Variants in BRD10 observed in about 807,000 individuals in gnomAD.
The protein encoded by BRD10 is uncharacterized bromodomain-containing protein 10.
chr9:5,886,072 C>T, the BRD10 span, among the ~76,000 whole-genome samples: 1 of 152,202 alleles, frequency 6.6e-6, no homozygotes, highest in African/African-American at 2.4e-5. Context: ...GAAGCCCGAG[C>T]AGCCGGCTAT....
At chr9:5,929,278 A>G in the BRD10 span, 1 of 537,838 alleles carries the variant, frequency 1.9e-6, no homozygotes, top group South Asian at 3.1e-5. Context: ...TCTTCTTCAG[A>G]AGCTTGCAGA....
the BRD10 span, among the ~76,000 whole-genome samples, chr9:5,915,002 A>T: frequency 3.3e-5 from 5 of 152,292 alleles, no homozygotes; most frequent in East Asian, 7.7e-4. Context: ...CAAAAGAACA[A>T]AACAACAATA....
the BRD10 span, chr9:5,921,407 G>C: frequency 6.2e-7 from 1 of 1,613,980 alleles, no homozygotes; most frequent in Non-Finnish European, 8.5e-7. Context: ...AGGAGGAAGA[G>C]TTTGTTTTAA....
the BRD10 span, among the ~76,000 whole-genome samples, chr9:5,938,795 T>C: frequency 1.3e-5 from 2 of 152,204 alleles, no homozygotes; most frequent in Admixed American, 1.3e-4. Context: ...ATTAACGAGT[T>C]TACCAGAAGA....
At chr9:5,884,021 G>A in the BRD10 span, among the ~76,000 whole-genome samples, 4 of 152,104 alleles carry the variant, frequency 2.6e-5, no homozygotes, top group South Asian at 2.1e-4. Flanking sequence ...AAAAACACAC[G>A]GCCAGTCAAT....
chr9:5,915,719 T>C, the BRD10 span, among the ~76,000 whole-genome samples: 3 of 152,334 alleles, frequency 2.0e-5, no homozygotes, highest in South Asian at 4.1e-4. Flanking sequence ...CTTATAGTTC[T>C]TTATTCCTCT....
At chr9:5,928,809 A>G in the BRD10 span, among the ~76,000 whole-genome samples, 1 of 149,544 alleles carries the variant, frequency 6.7e-6, no homozygotes, top group South Asian at 2.2e-4. Context: ...TTTTTTTGCC[A>G]TCTGACATTT....
chr9:5,906,402 T>TATAA, the BRD10 span, among the ~76,000 whole-genome samples: 1 of 152,134 alleles, frequency 6.6e-6, no homozygotes, highest in Non-Finnish European at 1.5e-5. Flanking sequence ...CCTTCTTGGA[T>TATAA]GTTCTTCCTT....
chr9:5,897,621 T>C, the BRD10 span: 8 of 1,614,122 alleles, frequency 5.0e-6, no homozygotes, highest in South Asian at 6.6e-5. Context: ...CTGTTGGTAT[T>C]GTAGAAGACG....
At chr9:5,930,169 C>T in the BRD10 span, among the ~76,000 whole-genome samples, 1 of 141,686 alleles carries the variant, frequency 7.1e-6, no homozygotes, top group Non-Finnish European at 1.5e-5. Context: ...ATCACACAAT[C>T]CACATGTTTT....
the BRD10 span, among the ~76,000 whole-genome samples, chr9:5,959,521 C>T: frequency 1.3e-5 from 2 of 152,216 alleles, no homozygotes; most frequent in East Asian, 1.9e-4. Context: ...AATGAGTACT[C>T]GGTTTTTTAG....
the BRD10 span, chr9:5,968,977 A>G: frequency 1.2e-6 from 2 of 1,609,950 alleles, no homozygotes; most frequent in Non-Finnish European, 1.7e-6. Flanking sequence ...GTAGTTCGTG[A>G]AAAGGTTTTT....
At chr9:5,969,461 T>A in the BRD10 span, 5 of 1,407,914 alleles carry the variant, frequency 3.6e-6, no homozygotes, top group Non-Finnish European at 4.8e-6. Context: ...CAAATTATAC[T>A]ATTATTATTC....
the BRD10 span, among the ~76,000 whole-genome samples, chr9:5,895,447 A>T: frequency 6.6e-6 from 1 of 152,140 alleles, no homozygotes; most frequent in African/African-American, 2.4e-5. Flanking sequence ...ATCTTCATTA[A>T]AACAATGCAT....
chr9:5,984,573 A>T, the BRD10 span, among the ~76,000 whole-genome samples: 310 of 152,338 alleles, frequency 2.0e-3, 12 homozygotes, highest in East Asian at 0.041. Flanking sequence ...AAAACATAAA[A>T]GCCATAAATA....
At chr9:5,997,115 C>CTTAG in the BRD10 span, among the ~76,000 whole-genome samples, 3 of 152,208 alleles carry the variant, frequency 2.0e-5, no homozygotes, top group Non-Finnish European at 4.4e-5. Flanking sequence ...TAGAGCAAGT[C>CTTAG]TTAGCGCCTG....
chr9:6,007,972 C>A, the BRD10 span: 7 of 1,294,504 alleles, frequency 5.4e-6, no homozygotes, highest in African/African-American at 1.1e-4. Context: ...GCCGGCGGGG[C>A]GGGGTTACAT....
chr9:5,994,263 T>G, the BRD10 span, among the ~76,000 whole-genome samples: 1 of 152,166 alleles, frequency 6.6e-6, no homozygotes, highest in Admixed American at 6.5e-5. Context: ...AACATAATAG[T>G]AAAGTATCCA....
chr9:5,951,076 A>ACACC, the BRD10 span, among the ~76,000 whole-genome samples: 7 of 127,368 alleles, frequency 5.5e-5, no homozygotes, highest in South Asian at 2.5e-4. Flanking sequence ...ACACACACAC[A>ACACC]CCCCCACCCC....
Sources: allele counts gnomAD v4.1 joint callset (sites outside exome capture counted in the v4.1 genomes callset), GRCh38; gene constraint gnomAD v4.1.1; transcripts MANE v1.5; gene names NCBI Gene and HGNC (gene_info 2026-07-23, HGNC 2026-07-21).